The following SNTG1 variants were observed in gnomAD, a reference collection of about 807,000 sequenced individuals.
SNTG1 encodes the protein gamma-1-syntrophin.
A neutral mutation model predicts 74.7 loss-of-function variants in SNTG1; 39 were observed. The observed-to-expected ratio is 0.52, with a 90% confidence interval of 0.40 to 0.68. SNTG1 has a LOEUF of 0.68. SNTG1 is among the 30% of genes least tolerant of loss of function. SNTG1 has a pLI of 0.00. For synonymous variants in SNTG1, 254 were observed against 217.1 expected, an observed-to-expected ratio of 1.17 and a Z score of -1.49; for missense variants, 685 against 609.5, an observed-to-expected ratio of 1.12 and a Z score of -1.30.
At chr8:49,944,124 C>T (rs1808942600) in intron 1 of SNTG1, among the ~76,000 whole-genome samples, 1 of 152,066 alleles carries the variant, frequency 6.6e-6, no homozygotes. Flanking sequence ...ATGTTGTGTA[C>T]CTCTTGATTC....
chr8:50,617,508 CTTG>C (rs1384731647), intron 13 of SNTG1, among the ~76,000 whole-genome samples: 1 of 152,108 alleles, frequency 6.6e-6, no homozygotes, highest in East Asian at 1.9e-4. Flanking sequence ...AAACAGAAAT[CTTG>C]TTGCCCTTTC....
chr8:49,929,064 A>G (rs1807310598), intron 1 of SNTG1, among the ~76,000 whole-genome samples: 1 of 152,192 alleles, frequency 6.6e-6, no homozygotes, highest in Admixed American at 6.5e-5. Flanking sequence ...ATAGATTTAT[A>G]TGTGAACAAA....
At position 50,385,197 on chromosome 8, in the gene SNTG1, C is replaced by T. The variant is rs139908744; in HGVS notation, c.-27-9015C>T. Among the ~76,000 whole-genome samples the T allele has an allele frequency of 1.4e-3, 209 of 152,266 alleles. 2 individuals are homozygous for T. The highest frequency in any genetic ancestry group is 4.4e-3 in the African/African-American group (181 of 41,546). The stretch of plus-strand genomic sequence containing the variant: ...GGCTTGCACAGTAGCCTGGACCTGA[C>T]GCAGAATCTTCTCCTGTTCTGGACC... On this transcript the variant is annotated intron_variant, in intron 2 of 18. Coordinates refer to ENST00000642720, the MANE Select transcript of SNTG1 (RefSeq NM_018967.5).
At chr8:50,580,278 G>T (rs1013675902) in intron 12 of SNTG1, among the ~76,000 whole-genome samples, 2 of 152,178 alleles carry the variant, frequency 1.3e-5, no homozygotes, top group African/African-American at 4.8e-5. Flanking sequence ...ATTGTATCTA[G>T]GAAGTAACTG....
intron 1 of SNTG1, among the ~76,000 whole-genome samples, chr8:50,039,225 G>C (rs542874561): frequency 6.6e-6 from 1 of 152,072 alleles, no homozygotes; most frequent in African/African-American, 2.4e-5. Context: ...GGAGGCCGAG[G>C]AGGGCAGATC....
chr8:50,641,411 C>T (rs1047519844), intron 13 of SNTG1, among the ~76,000 whole-genome samples: 2 of 152,224 alleles, frequency 1.3e-5, no homozygotes, highest in Non-Finnish European at 2.9e-5. Flanking sequence ...AGGACCTGCA[C>T]GTGCTCCCAG....
At chr8:50,696,432 G>T (rs970731957) in intron 15 of SNTG1, among the ~76,000 whole-genome samples, 1 of 152,028 alleles carries the variant, frequency 6.6e-6, no homozygotes, top group South Asian at 2.1e-4. Flanking sequence ...TATTTACTTT[G>T]TCAGTTATTT....
chr8:50,634,165 ATGGATGT>A (rs1414307249), intron 13 of SNTG1, among the ~76,000 whole-genome samples: 1 of 152,198 alleles, frequency 6.6e-6, no homozygotes, highest in African/African-American at 2.4e-5. Context: ...GGCTGTTCTC[ATGGATGT>A]TGTCAATATA....
chr8:50,004,952 A>T (rs1254658125), intron 1 of SNTG1, among the ~76,000 whole-genome samples: 1 of 150,682 alleles, frequency 6.6e-6, no homozygotes, highest in Admixed American at 6.7e-5. Context: ...TGCGCATGAA[A>T]CCTCCCTGAC....
At chr8:49,964,908 C>T (rs1170413940) in intron 1 of SNTG1, among the ~76,000 whole-genome samples, 3 of 152,078 alleles carry the variant, frequency 2.0e-5, no homozygotes, top group East Asian at 3.8e-4. Context: ...ATGTATGGCA[C>T]ATTAAGTATT....
intron 2 of SNTG1, among the ~76,000 whole-genome samples, chr8:50,310,950 C>T (rs549726970): frequency 5.3e-5 from 8 of 152,230 alleles, no homozygotes; most frequent in Non-Finnish European, 1.2e-4. Flanking sequence ...CCACCTCCTG[C>T]CTTTAGACAA....
chr8:49,938,929 T>A (rs2129371405), intron 1 of SNTG1, among the ~76,000 whole-genome samples: 1 of 152,064 alleles, frequency 6.6e-6, no homozygotes, highest in East Asian at 1.9e-4. Flanking sequence ...TGTTTCATAG[T>A]ATTCCACAGT....
At chr8:50,715,764 G>A (rs771008854) in intron 17 of SNTG1, among the ~76,000 whole-genome samples, 2 of 152,088 alleles carry the variant, frequency 1.3e-5, no homozygotes, top group South Asian at 2.1e-4. Flanking sequence ...GGCAATCAAC[G>A]TAATCTTAGC....
intron 18 of SNTG1, among the ~76,000 whole-genome samples, chr8:50,754,628 T>C (rs1262229871): frequency 6.6e-6 from 1 of 151,924 alleles, no homozygotes; most frequent in Non-Finnish European, 1.5e-5. Context: ...ACATTAATTT[T>C]TACTGATTTT....
rs1044995857 is a variant in SNTG1, at chr8:50,589,176, C to T, written c.811-1703C>T. Among the ~76,000 whole-genome samples the T allele has an allele frequency of 3.3e-5, 5 of 151,968 alleles. 1 individual carries two copies. Among genetic ancestry groups the T allele is most frequent in the South Asian group, 4.1e-4 (2 of 4,828 alleles). On this transcript the variant is annotated intron_variant, in intron 12 of 18. Coordinates refer to ENST00000642720, the MANE Select transcript of SNTG1 (RefSeq NM_018967.5). ...ATAGTAGTAATGTTATGTAATAAAC[C>T]ATTCAAAGGATAGAGATGGTAACAT...
chr8:50,167,323 T>TC (rs2082655653), intron 1 of SNTG1, among the ~76,000 whole-genome samples: 1 of 143,562 alleles, frequency 7.0e-6, no homozygotes, highest in African/African-American at 2.6e-5. Flanking sequence ...AAAAATAAAA[T>TC]AAAATAAAAT....
intron 1 of SNTG1, among the ~76,000 whole-genome samples, chr8:50,037,947 T>C (rs1818302371): frequency 2.0e-5 from 3 of 152,282 alleles, no homozygotes; most frequent in Admixed American, 2.0e-4. Context: ...GACACTGAAA[T>C]CCCTTCTGGC....
intron 17 of SNTG1, among the ~76,000 whole-genome samples, chr8:50,722,347 G>A (rs1276803171): frequency 1.3e-5 from 2 of 151,752 alleles, no homozygotes; most frequent in Non-Finnish European, 2.9e-5. Context: ...GCTAATTTTT[G>A]TATTTTTAAT....
intron 1 of SNTG1, among the ~76,000 whole-genome samples, chr8:49,912,527 G>A (rs901896208): frequency 6.6e-6 from 1 of 152,066 alleles, no homozygotes; most frequent in African/African-American, 2.4e-5. Context: ...GCAATCGTTT[G>A]GCAAGATAAT....
Sources: gnomAD v4.1 joint callset for allele counts (sites outside exome capture counted in the v4.1 genomes callset) on GRCh38, gnomAD v4.1.1 for gene constraint, MANE v1.5 for transcripts, NCBI Gene and HGNC (gene_info 2026-07-23, HGNC 2026-07-21) for gene names.